The following THBS1 variants were observed in gnomAD, a reference collection of about 807,000 sequenced individuals.
THBS1 encodes the protein thrombospondin-1.
In THBS1, 29 loss-of-function variants were observed where a neutral mutation model predicts 126.1. The observed-to-expected ratio is 0.23, with a 90% CI of 0.17 to 0.31. The LOEUF (loss-of-function observed/expected upper bound fraction) is 0.31, where lower values mean the gene tolerates loss of function less well. Among genes scored for constraint, THBS1 ranks in the 10% least tolerant of loss-of-function variants. THBS1 has a pLI of 1.00. For missense variants in THBS1, 1,198 were observed against 1,545.2 expected, an observed-to-expected ratio of 0.78 and a Z score of 3.77; for synonymous variants, 496 against 577.8, an observed-to-expected ratio of 0.86 and a Z score of 2.03.
chr15:39,584,529 C>T, intron 6 of THBS1, 107 bp downstream of exon 6: 3 of 1,451,344 alleles, frequency 2.1e-6, no homozygotes, highest in East Asian at 2.3e-5. Flanking sequence ...TGTTCCATGG[C>T]CTGATAACAA....
rs746163879 is a variant in THBS1 at position 39,588,031 on chromosome 15, C to G, written c.1295-11C>G. 1.2e-6 allele frequency: 2 copies of G among 1,613,354 alleles called. No individual in the cohort carries two copies. The highest frequency in any genetic ancestry group is 3.3e-5 in the Admixed American group (2 of 59,940). On this transcript the variant is annotated splice_polypyrimidine_tract_variant and intron_variant, in intron 8 of 21. Transcript: ENST00000260356. ...CCAAAACCATTTGTGACCATCAACT[C>G]TGTACTTTAGTTAAACAGGATGGTG...
Position 39,588,649 on chromosome 15 carries a change from T to C in THBS1, c.1595T>C (p.Val532Ala), listed in dbSNP as rs1384976530. The C allele has an allele frequency of 1.2e-5, 20 of 1,607,040 alleles. No individual in the cohort carries two copies. Among genetic ancestry groups the C allele is most frequent in the Admixed American group, 3.4e-5 (2 of 58,750 alleles). The change falls in exon 10 of 22, where the codon GTT becomes GCT. Residue 532 changes from valine (V) to alanine (A), a missense_variant. By Grantham distance (64) the Val-to-Ala change is moderately conservative. Transcript: ENST00000260356. ...CCCCAGTTTGGAGGCAAGGACTGCGTTGGTGATGTAACAGAAAACCAGATC... is the reference window on the plus strand; with the variant it reads ...CCCCAGTTTGGAGGCAAGGACTGCGCTGGTGATGTAACAGAAAACCAGATC... ...PTPQFGGKDC[V>A]GDVTENQICN...
At position 39,593,806 on chromosome 15, in the gene THBS1, C is replaced by T. The variant is rs186214038; in HGVS notation, c.3267+138C>T. The T allele has an allele frequency of 1.2e-4, 154 of 1,308,240 alleles. No homozygotes were observed. In the African/African-American group the frequency reaches 2.2e-3, roughly 19 times the overall value. The allele number at this position is 1,308,240 out of a possible 1,614,324, so 81.0% of individuals were successfully genotyped here. On this transcript the variant is annotated intron_variant, in intron 19 of 21. Transcript: ENST00000260356. This position sits in a 1 kb window ranked among gnomAD's most constrained non-coding sequence, Gnocchi z 5.9. ...TCACCAGCTGCAGCATTGAACTCTGCTTTGTAAAAACATAATAGTGTTGAA... is the reference window on the plus strand; with the variant it reads ...TCACCAGCTGCAGCATTGAACTCTGTTTTGTAAAAACATAATAGTGTTGAA...
intron 7 of THBS1, 112 bp downstream of exon 7, chr15:39,585,675 A>G: frequency 2.0e-6 from 2 of 1,022,624 alleles, no homozygotes; most frequent in Non-Finnish European, 2.9e-6. Context: ...TCATGCTTCC[A>G]TTCAGTTTCT....
rs896798027 is a variant in THBS1, at chr15:39,596,951, A to G, written c.*1582A>G. ...TCAAGCGGAAAGAGTTTAAGTGTCT[A>G]ACAAACTTAAAGCTACTGTAGTACC... On this transcript the variant is annotated 3_prime_UTR_variant, in exon 22 of 22. Transcript: ENST00000260356. 1.3e-5 allele frequency: 2 copies of G among 152,248 alleles called. No homozygotes were observed. The highest frequency in any genetic ancestry group is 2.9e-5 in the Non-Finnish European group (2 of 68,034). 9.4% of individuals were successfully genotyped at this position (152,248 alleles called of 1,614,324 possible). A position where few individuals can be genotyped will look rare whatever the true frequency, so the allele number is the denominator to read the frequency against.
rs576321057 is a variant in THBS1, at chr15:39,591,255, G to A, written c.2318G>A (p.Arg773His). ...TATGACAGAGATGATGTGGGAGACCGCTGTGACAACTGTCCCTACAACCAC... is the reference window on the plus strand; with the variant it reads ...TATGACAGAGATGATGTGGGAGACCACTGTGACAACTGTCCCTACAACCAC... The part of the protein sequence containing the change: ...YDYDRDDVGD[R>H]CDNCPYNHNP... Residue 773 changes from arginine (R) to histidine (H), a missense_variant, in exon 15 of 22, where the codon CGC becomes CAC. By Grantham distance (29) the Arg-to-His change is conservative. Around this residue, in one of 4 missense-constraint regions of THBS1, gnomAD observed 663 missense variants for 860.1 expected, o/e 0.77. Transcript: ENST00000260356. 6.6e-5 allele frequency: 107 copies of A among 1,614,172 alleles called. 1 individual carries two copies. The South Asian group carries it at 8.7e-4, about 13-fold the overall frequency.
chr15:39,595,297 A>G, intron 21 of THBS1, 65 bp from the exon 22 acceptor site: 1 of 1,115,448 alleles, frequency 9.0e-7, no homozygotes, highest in Non-Finnish European at 1.2e-6. Flanking sequence ...TTATTAACTA[A>G]GATGTCTATG....
rs58677957 is a variant in THBS1, at chr15:39,589,178, T to A, written c.1774-24T>A. ...TTATGGCAGTGACTTCTAAACATGA[T>A]GCACGCTCTTATTTCCTCCATAGTG... On this transcript the variant is annotated intron_variant, in intron 11 of 21. Transcript: ENST00000260356. This position sits in a 1 kb window ranked among gnomAD's most constrained non-coding sequence, Gnocchi z 4.7. 10,094 of 1,613,934 alleles carry A rather than the reference T, an allele frequency of 6.3e-3. 493 individuals carry two copies. In the African/African-American group the frequency reaches 0.11, roughly 18 times the overall value.
At chr15:39,587,325 T>A in intron 7 of THBS1, 22 bp from the exon 8 acceptor site, 5 of 1,601,702 alleles carry the variant, frequency 3.1e-6, no homozygotes, top group Non-Finnish European at 4.3e-6. Context: ...ACGTACCTGA[T>A]GAACCTCTGT....
chr15:39,582,717 C>A lies in THBS1; in HGVS notation c.592C>A (p.Arg198Ser), dbSNP rs769879406. 2 of 1,612,958 alleles carry A rather than the reference C, an allele frequency of 1.2e-6. No homozygotes were observed. The highest frequency in any genetic ancestry group is 1.7e-6 in the Non-Finnish European group (2 of 1,179,814). ...AGACCTGGCCAGCATCGCCAGACTC[C>A]GCATCGCAAAGGGGGGCGTCAATGA... The part of the protein sequence containing the change: ...TRDLASIARL[R>S]IAKGGVNDNF... Residue 198 changes from arginine to serine, a missense_variant, in exon 3 of 22, where the codon CGC (arginine) becomes AGC (serine). Arg to Ser is a moderately radical substitution (Grantham distance 110). Transcript: ENST00000260356.
rs777252173 is a variant in THBS1 at position 39,589,909 on chromosome 15, G to A, written c.2031G>A (p.Glu677=). 14 of 1,614,240 alleles carry A rather than the reference G, an allele frequency of 8.7e-6. No homozygotes were observed. The South Asian group carries it at 1.4e-4, about 16-fold the overall frequency. Residue 677 remains glutamate, a synonymous_variant, in exon 13 of 22, where the codon GAG becomes GAA. Coordinates refer to ENST00000260356, the MANE Select transcript of THBS1 (RefSeq NM_003246.4). This position sits in a 1 kb window ranked among gnomAD's most constrained non-coding sequence, Gnocchi z 4.7. ...GHYSDPMYRC[E]CKPGYAGNGI... ...ATAGCGACCCCATGTACCGCTGCGA[G>A]TGCAAGCCTGGCTACGCTGGCAATG...
Position 39,588,306 on chromosome 15 carries a change from G to A in THBS1, c.1471+88G>A. The A allele has an allele frequency of 2.7e-6, 4 of 1,476,064 alleles. No homozygotes were observed. The Middle Eastern group carries it at 6.1e-4, about 223-fold the overall frequency. 91.4% of individuals were successfully genotyped at this position (1,476,064 alleles called of 1,614,324 possible). On this transcript the variant is annotated intron_variant, in intron 9 of 21. Transcript: ENST00000260356. ...GCATCTGCAGCCTGCAGTTCAGTGG[G>A]TCATAGAGCAGGAAGGTTACCTACT...
At chr15:39,583,581 T>G in intron 3 of THBS1, 36 bp from the exon 4 acceptor site, 4 of 1,021,574 alleles carry the variant, frequency 3.9e-6, no homozygotes, top group Non-Finnish European at 4.3e-6. Context: ...CACCCCGCTC[T>G]GCATTCTACA....
At position 39,582,591 on chromosome 15, in the gene THBS1, A is replaced by T. The variant is rs1444385578; in HGVS notation, c.466A>T (p.Ile156Phe). The T allele has an allele frequency of 6.2e-7, 1 of 1,614,064 alleles. No individual in the cohort carries two copies. The highest frequency in any genetic ancestry group is 1.3e-5 in the African/African-American group (1 of 74,952). Reference protein sequence around the residue: ...ALLATGQWKSITLFVQEDRAQ... With the variant: ...ALLATGQWKSFTLFVQEDRAQ... ...CCTGGCAACCGGCCAGTGGAAGAGC[A>T]TCACCCTGTTTGTGCAGGAAGACAG... is the stretch of plus-strand genomic sequence containing the variant. The change falls in exon 3 of 22, where the codon ATC (isoleucine) becomes TTC (phenylalanine). Residue 156 changes from isoleucine (I) to phenylalanine (F), a missense_variant. Coordinates refer to ENST00000260356, the MANE Select transcript of THBS1 (RefSeq NM_003246.4).
At position 39,582,304 on chromosome 15, in the gene THBS1, G is replaced by A. The variant is rs779611529; in HGVS notation, c.179G>A (p.Arg60His). ...KGPDPSSPAFRIEDANLIPPV... is the reference protein window; with the variant it reads ...KGPDPSSPAFHIEDANLIPPV... ...CCCGACCCTTCCAGCCCAGCTTTCCGCATCGAGGATGCCAACCTGATCCCC... is the reference window on the plus strand; with the variant it reads ...CCCGACCCTTCCAGCCCAGCTTTCCACATCGAGGATGCCAACCTGATCCCC... The change falls in exon 3 of 22, where the codon CGC (arginine) becomes CAC (histidine). Residue 60 changes from arginine to histidine, a missense_variant. Around this residue, in one of 4 missense-constraint regions of THBS1, gnomAD observed 271 missense variants for 277.0 expected, o/e 0.98. Coordinates refer to ENST00000260356, the MANE Select transcript of THBS1 (RefSeq NM_003246.4). 27 of 1,614,092 alleles carry A rather than the reference G, an allele frequency of 1.7e-5. No homozygotes were observed. In the Admixed American group the frequency reaches 2.5e-4, roughly 15 times the overall value.
In THBS1 at chr15:39,597,404, T is replaced by C. The variant is rs909567145; in HGVS notation, c.*2035T>C. 3 of 151,782 alleles carry C rather than the reference T, an allele frequency of 2.0e-5. No homozygotes were observed. Among genetic ancestry groups the C allele is most frequent in the Admixed American group, 6.6e-5 (1 of 15,242 alleles). The allele number at this position is 151,782 out of a possible 1,614,324, so 9.4% of individuals were successfully genotyped here. A position where few individuals can be genotyped will look rare whatever the true frequency, so the allele number is the denominator to read the frequency against. On this transcript the variant is annotated 3_prime_UTR_variant, in exon 22 of 22. Coordinates refer to ENST00000260356, the MANE Select transcript of THBS1 (RefSeq NM_003246.4). ...ATTTTACATTCTAAAGCAGTGTAAG[T>C]TGTATATTACTGTTTCTTATGTACA...
chr15:39,595,053 C>A (rs1890407009), intron 21 of THBS1, among the ~76,000 whole-genome samples: 1 of 152,028 alleles, frequency 6.6e-6, no homozygotes, highest in Admixed American at 6.5e-5. Context: ...TGATTTTACT[C>A]AAAAAAATCT....
chr15:39,584,275 A>G (rs771332139), intron 5 of THBS1, 25 bp from the exon 6 acceptor site: 5 of 1,614,108 alleles, frequency 3.1e-6, no homozygotes, highest in South Asian at 1.1e-5. Context: ...GCGGGGGGAC[A>G]CTAATGATAT....
At chr15:39,590,060 G>C in intron 13 of THBS1, 37 bp downstream of exon 13, 1 of 1,492,014 alleles carries the variant, frequency 6.7e-7, no homozygotes, top group Non-Finnish European at 9.0e-7. Flanking sequence ...CAGAAAGAGG[G>C]CCCATCACCT....
Sources: gnomAD v4.1 joint callset for allele counts (sites outside exome capture counted in the v4.1 genomes callset) on GRCh38, gnomAD v4.1.1 for gene constraint, gnomAD v4.1.1 regional missense constraint, Gnocchi (gnomAD v3.1) non-coding constraint, MANE v1.5 for transcripts, NCBI Gene and HGNC (gene_info 2026-07-23, HGNC 2026-07-21) for gene names.